CRACDL: variants seen among roughly 807,000 people sequenced by gnomAD.
CRACDL encodes CRACD like.
In CRACDL, 26 loss-of-function variants were observed where a neutral mutation model predicts 70.6. That is an observed-to-expected ratio of 0.37 (90% CI 0.27 to 0.51). The LOEUF (loss-of-function observed/expected upper bound fraction) is 0.51. CRACDL is among the 20% of genes least tolerant of loss of function. CRACDL has a pLI of 0.94. For synonymous variants in CRACDL, 618 were observed against 615.2 expected (o/e 1.00, Z -0.07); for missense variants, 1,283 against 1,376.9 (o/e 0.93, Z 1.08).
chr2:98,805,432 C>G (rs905108090), intron 7 of CRACDL, among the ~76,000 whole-genome samples: 1 of 152,104 alleles, frequency 6.6e-6, no homozygotes, highest in Non-Finnish European at 1.5e-5. Flanking sequence ...CAAGGTGCCC[C>G]GGATGCCCTC....
At chr2:98,925,233 C>T (rs1349465172) in intron 1 of CRACDL, among the ~76,000 whole-genome samples, 1 of 152,230 alleles carries the variant, frequency 6.6e-6, no homozygotes, top group Non-Finnish European at 1.5e-5. Flanking sequence ...AGGGCCCCTC[C>T]CTTGCCTAGG....
At chr2:98,848,476 C>T (rs962234272) in intron 1 of CRACDL, among the ~76,000 whole-genome samples, 12 of 152,152 alleles carry the variant, frequency 7.9e-5, no homozygotes, top group Non-Finnish European at 5.9e-5. Flanking sequence ...CCCCTCAGTG[C>T]CATCTCCTGA....
rs1409035480 is a variant in CRACDL, at chr2:98,857,349, A to G, written c.-10-10539T>C. 2.0e-5 allele frequency among the ~76,000 whole-genome samples: 3 copies of G among 152,216 alleles called. No homozygotes were observed. The East Asian group carries it at 5.8e-4, about 29-fold the overall frequency. On this transcript the variant is annotated intron_variant, in intron 1 of 9. Coordinates refer to ENST00000397899, the MANE Select transcript of CRACDL (RefSeq NM_207362.3). ...TAGTTTCTTTAAAAGACAGAAAATGATATAAAAATATAATTATTGGGCCTA... is the reference window on the plus strand; with the variant it reads ...TAGTTTCTTTAAAAGACAGAAAATGGTATAAAAATATAATTATTGGGCCTA...
chr2:98,819,815 CTTTTTTTTTTTT>C (rs34640405), intron 7 of CRACDL, among the ~76,000 whole-genome samples: 1 of 99,026 alleles, frequency 1.0e-5, no homozygotes, highest in African/African-American at 4.3e-5. Flanking sequence ...CTGAAACATT[CTTTTTTTTTTTT>C]TTTTTTTTTT....
At chr2:98,889,307 GAAAGAAAGAAAGAAAGAAAGAAAGAA>G (rs1707894838) in intron 1 of CRACDL, among the ~76,000 whole-genome samples, 1 of 54,178 alleles carries the variant, frequency 1.8e-5, no homozygotes, top group Non-Finnish European at 3.4e-5. Flanking sequence ...AAGAAAGAAA[GAAAGAAAGAAAGAAAGAAAGAAAGAA>G]AGAAAGAAAG....
chr2:98,911,464 C>G (rs1708546614), intron 1 of CRACDL, among the ~76,000 whole-genome samples: 1 of 152,224 alleles, frequency 6.6e-6, no homozygotes, highest in Admixed American at 6.5e-5. Context: ...AAGGTCCCCG[C>G]TCTCAGACTC....
chr2:98,889,335 GAAA>G (rs879813099), intron 1 of CRACDL, among the ~76,000 whole-genome samples: 1,532 of 115,942 alleles, frequency 0.013, 15 homozygotes, highest in Middle Eastern at 0.037. Context: ...AAGAAAGAAA[GAAA>G]GAAAGGAAAC....
intron 1 of CRACDL, among the ~76,000 whole-genome samples, chr2:98,934,492 G>C (rs773386900): frequency 4.6e-5 from 7 of 152,178 alleles, no homozygotes; most frequent in Admixed American, 2.0e-4. Flanking sequence ...ATCGCGCCCA[G>C]CCAAGATTCA....
chr2:98,864,308 A>C (rs1415199177), intron 1 of CRACDL, among the ~76,000 whole-genome samples: 1 of 152,222 alleles, frequency 6.6e-6, no homozygotes. Flanking sequence ...AGGCAGCTAC[A>C]AAAGGCCACA....
At chr2:98,877,850 A>G (rs1707526939) in intron 1 of CRACDL, among the ~76,000 whole-genome samples, 1 of 152,112 alleles carries the variant, frequency 6.6e-6, no homozygotes, top group South Asian at 2.1e-4. Flanking sequence ...AGGCTTTCAT[A>G]TTCACTCACT....
intron 1 of CRACDL, among the ~76,000 whole-genome samples, chr2:98,866,771 G>C (rs923013042): frequency 4.0e-5 from 6 of 151,808 alleles, no homozygotes; most frequent in African/African-American, 7.3e-5. Flanking sequence ...GGGATTACAG[G>C]TGTGAGCCAC....
intron 1 of CRACDL, among the ~76,000 whole-genome samples, chr2:98,848,158 T>C (rs985043456): frequency 5.9e-5 from 9 of 152,250 alleles, no homozygotes; most frequent in Non-Finnish European, 1.0e-4. Flanking sequence ...ACCACTGTTT[T>C]AGGCTTCAAA....
chr2:98,852,704 C>T (rs1706529580), intron 1 of CRACDL, among the ~76,000 whole-genome samples: 3 of 151,820 alleles, frequency 2.0e-5, no homozygotes, highest in African/African-American at 7.3e-5. Context: ...ATTAAATGGG[C>T]TTAACAGCAG....
intron 1 of CRACDL, among the ~76,000 whole-genome samples, chr2:98,907,861 G>A (rs1396790090): frequency 6.6e-6 from 1 of 152,222 alleles, no homozygotes; most frequent in Non-Finnish European, 1.5e-5. Context: ...TTGCTGCATA[G>A]AAGAAACTGC....
chr2:98,795,077 A>ATATATATATATATTTTTTTT, intron 9 of CRACDL, among the ~76,000 whole-genome samples: 82 of 58,364 alleles, frequency 1.4e-3, no homozygotes, highest in Non-Finnish European at 2.1e-3. Flanking sequence ...ATATATATAT[A>ATATATATATATATTTTTTTT]TTTTTTTTTT....
intron 1 of CRACDL, among the ~76,000 whole-genome samples, chr2:98,932,564 C>T (rs575185175): frequency 3.3e-5 from 5 of 152,248 alleles, no homozygotes; most frequent in East Asian, 3.9e-4. Context: ...GTTTGGAAGA[C>T]GCCCATCCCC....
intron 1 of CRACDL, among the ~76,000 whole-genome samples, chr2:98,850,315 A>G (rs917429173): frequency 1.3e-5 from 2 of 152,224 alleles, no homozygotes; most frequent in African/African-American, 4.8e-5. Flanking sequence ...TCATGTGGAC[A>G]TTCCAGGTGG....
chr2:98,932,784 A>G (rs1209332461), intron 1 of CRACDL, among the ~76,000 whole-genome samples: 2 of 152,182 alleles, frequency 1.3e-5, no homozygotes, highest in Admixed American at 1.3e-4. Flanking sequence ...CCTTTTATGT[A>G]TCAAGGGCAA....
At chr2:98,913,686 T>C (rs1231493613) in intron 1 of CRACDL, among the ~76,000 whole-genome samples, 1 of 152,166 alleles carries the variant, frequency 6.6e-6, no homozygotes, top group Non-Finnish European at 1.5e-5. Context: ...ACGGAAAGCA[T>C]GGTCTTCGGG....
Sources: allele counts gnomAD v4.1 joint callset (sites outside exome capture counted in the v4.1 genomes callset), GRCh38; gene constraint gnomAD v4.1.1; transcripts MANE v1.5; gene names NCBI Gene and HGNC (gene_info 2026-07-23, HGNC 2026-07-21).